KLHL20: variants seen among roughly 807,000 people sequenced by gnomAD.
KLHL20 encodes the protein kelch like family member 20.
In KLHL20, 29 loss-of-function variants were observed where a neutral mutation model predicts 69.5. That is an observed-to-expected ratio of 0.42 (90% confidence interval 0.31 to 0.57). The LOEUF (loss-of-function observed/expected upper bound fraction) is 0.57, where lower values mean the gene tolerates loss of function less well. KLHL20 is among the 20% of genes least tolerant of loss of function. The pLI, the probability that KLHL20 is intolerant of heterozygous loss-of-function variation, is 0.18. For synonymous variants in KLHL20, 253 were observed against 265.2 expected (o/e 0.95, Z 0.45); for missense variants, 419 against 776.0 (o/e 0.54, Z 5.47).
intron 2 of KLHL20, among the ~76,000 whole-genome samples, chr1:173,729,427 G>A (rs950633242): frequency 6.6e-6 from 1 of 152,098 alleles, no homozygotes; most frequent in African/African-American, 2.4e-5. Flanking sequence ...CCAAAAAAGA[G>A]AATTTTAGAC....
chr1:173,716,123 A>G, intron 2 of KLHL20, 57 bp downstream of exon 2: 1 of 1,558,958 alleles, frequency 6.4e-7, no homozygotes, highest in Non-Finnish European at 8.8e-7. Context: ...GCATGTAATA[A>G]TTTAAATTTT....
At chr1:173,761,614 A>C (rs563551866) in intron 7 of KLHL20, among the ~76,000 whole-genome samples, 1 of 152,356 alleles carries the variant, frequency 6.6e-6, no homozygotes, top group South Asian at 2.1e-4. Flanking sequence ...CATGGAAATT[A>C]AATAACCTGC....
In KLHL20 at chr1:173,750,599, C is replaced by A. The variant is rs373151178; in HGVS notation, c.598-1165C>A. On this transcript the variant is annotated intron_variant, in intron 3 of 11. Transcript: ENST00000209884. ...CTCCCGCGTTCAAGTGATTCTCCTG[C>A]CTCAGGGTTTCACCATGTTGGCCAG... Among the ~76,000 whole-genome samples the A allele has an allele frequency of 4.6e-5, 7 of 152,028 alleles. No homozygotes were observed. In the East Asian group the frequency reaches 9.7e-4, roughly 21 times the overall value.
rs552552628 is a variant in KLHL20 at position 173,782,468 on chromosome 1, A to G, written c.1745+238A>G. Among the ~76,000 whole-genome samples the G allele has an allele frequency of 3.9e-5, 6 of 151,902 alleles. No homozygotes were observed. In the South Asian group the frequency reaches 6.3e-4, roughly 16 times the overall value. ...ATAATTAGAGATGGGTAAAATAGGGAAAAAAAATCTTCCTAGTCCCATCAT... is the reference window on the plus strand; with the variant it reads ...ATAATTAGAGATGGGTAAAATAGGGGAAAAAAATCTTCCTAGTCCCATCAT... On this transcript the variant is annotated intron_variant, in intron 11 of 11. Transcript: ENST00000209884.
chr1:173,757,310 T>C, intron 7 of KLHL20, 151 bp downstream of exon 7: 3 of 685,940 alleles, frequency 4.4e-6, no homozygotes, highest in Non-Finnish European at 7.1e-6. Context: ...ACAAATTCTT[T>C]ATGATCTGGT....
chr1:173,755,206 G>A (rs191541856), intron 5 of KLHL20, among the ~76,000 whole-genome samples: 11 of 152,004 alleles, frequency 7.2e-5, no homozygotes, highest in South Asian at 6.2e-4. Flanking sequence ...CTACAGGCGC[G>A]TACCACCACA....
intron 3 of KLHL20, among the ~76,000 whole-genome samples, chr1:173,748,864 A>G (rs913961654): frequency 5.9e-5 from 9 of 152,172 alleles, no homozygotes; most frequent in African/African-American, 2.2e-4. Flanking sequence ...ATCAGAACTC[A>G]TTGAGCTATA....
intron 11 of KLHL20, among the ~76,000 whole-genome samples, chr1:173,782,677 G>T (rs1648955163): frequency 6.6e-6 from 1 of 152,112 alleles, no homozygotes; most frequent in South Asian, 2.1e-4. Context: ...ATTAATATTT[G>T]AAAAATAATA....
At chr1:173,724,745 T>C (rs1671877205) in intron 2 of KLHL20, among the ~76,000 whole-genome samples, 1 of 152,172 alleles carries the variant, frequency 6.6e-6, no homozygotes, top group African/African-American at 2.4e-5. Context: ...GTCGAGGCTG[T>C]AGTAAGCCGT....
intron 3 of KLHL20, among the ~76,000 whole-genome samples, chr1:173,746,447 T>C (rs1673062965): frequency 6.6e-6 from 1 of 152,168 alleles, no homozygotes; most frequent in African/African-American, 2.4e-5. Flanking sequence ...CTGTTTCTTC[T>C]ATGAAATTTT....
At chr1:173,756,712 A>G (rs746600897) in intron 6 of KLHL20, among the ~76,000 whole-genome samples, 30 of 152,290 alleles carry the variant, frequency 2.0e-4, no homozygotes, top group Middle Eastern at 3.4e-3. Flanking sequence ...CATTCTATCC[A>G]TATATACATA....
chr1:173,767,997 T>C (rs1647840847), intron 8 of KLHL20, among the ~76,000 whole-genome samples: 1 of 152,176 alleles, frequency 6.6e-6, no homozygotes, highest in Non-Finnish European at 1.5e-5. Context: ...TAGAAATGTA[T>C]TTCAGATTAT....
At chr1:173,758,955 C>G (rs1673673805) in intron 7 of KLHL20, among the ~76,000 whole-genome samples, 1 of 152,194 alleles carries the variant, frequency 6.6e-6, no homozygotes. Flanking sequence ...TCTCTTGCAG[C>G]TGGGAGGCGG....
chr1:173,743,753 T>A (rs555170619), intron 3 of KLHL20, among the ~76,000 whole-genome samples: 2 of 152,210 alleles, frequency 1.3e-5, no homozygotes, highest in South Asian at 4.1e-4. Context: ...GTTTTCCTAT[T>A]TCTATGTCTT....
intron 2 of KLHL20, among the ~76,000 whole-genome samples, chr1:173,732,828 C>A (rs1003154037): frequency 6.6e-6 from 1 of 152,084 alleles, no homozygotes; most frequent in African/African-American, 2.4e-5. Context: ...ATATGTAGTA[C>A]TTTTAAATGA....
chr1:173,766,726 C>G (rs1002665124), intron 8 of KLHL20, among the ~76,000 whole-genome samples: 5 of 151,190 alleles, frequency 3.3e-5, no homozygotes, highest in Non-Finnish European at 5.9e-5. Context: ...TTCCCATAGG[C>G]TTTCAGCAAA....
At chr1:173,755,016 C>T (rs1558206371) in intron 5 of KLHL20, among the ~76,000 whole-genome samples, 1 of 151,654 alleles carries the variant, frequency 6.6e-6, no homozygotes, top group Non-Finnish European at 1.5e-5. Flanking sequence ...TTGTAGGAAC[C>T]CTCAAATGAC....
intron 2 of KLHL20, among the ~76,000 whole-genome samples, chr1:173,729,075 C>G (rs1285619399): frequency 2.0e-5 from 3 of 152,132 alleles, no homozygotes; most frequent in Non-Finnish European, 4.4e-5. Context: ...ATACAAACTA[C>G]CATCAGAGAA....
At position 173,751,917 on chromosome 1, in the gene KLHL20, C is replaced by T. The variant is rs146023357; in HGVS notation, c.751C>T (p.Pro251Ser). 1.2e-6 allele frequency: 2 copies of T among 1,613,328 alleles called. No homozygotes were observed. The highest frequency in any genetic ancestry group is 1.7e-6 in the Non-Finnish European group (2 of 1,179,592). The change falls in exon 4 of 12, where the codon CCC (proline) becomes TCC (serine). Residue 251 changes from proline (P) to serine (S), a missense_variant. By Grantham distance (74) the Pro-to-Ser change is moderately conservative. Coordinates refer to ENST00000209884, the MANE Select transcript of KLHL20 (RefSeq NM_014458.4). The part of the protein sequence containing the change: ...YSIQERRPQL[P>S]QVLQHVRLPL... ...TATTCAGGAAAGACGTCCTCAATTA[C>T]CCCAGGTAATGATAGAAATTCTTCT...
Sources: gnomAD v4.1 joint callset for allele counts (sites outside exome capture counted in the v4.1 genomes callset) on GRCh38, gnomAD v4.1.1 for gene constraint, MANE v1.5 for transcripts, NCBI Gene and HGNC (gene_info 2026-07-23, HGNC 2026-07-21) for gene names.